The following EDC4 variants were observed in gnomAD, a reference collection of about 807,000 sequenced individuals.
EDC4 encodes the protein enhancer of mRNA-decapping protein 4.
EDC4 carries 64 observed loss-of-function variants against 155.8 expected under a neutral mutation model. The ratio of observed to expected loss-of-function variants is 0.41; its 90% confidence interval spans 0.34 to 0.51. The LOEUF (loss-of-function observed/expected upper bound fraction) is 0.51, where lower values mean the gene tolerates loss of function less well. EDC4 is among the 20% of genes least tolerant of loss of function. EDC4 has a pLI of 0.19. For missense variants in EDC4, 1,303 were observed against 1,812.5 expected (o/e 0.72, Z 5.10); for synonymous variants, 684 against 716.8 (o/e 0.95, Z 0.73).
In EDC4 at chr16:67,883,030, GCAGGC is replaced by G; in HGVS notation, c.3704_3708del (p.Gln1235ArgfsTer24). 1 of 1,613,908 alleles carries G rather than the reference GCAGGC, an allele frequency of 6.2e-7. No homozygotes were observed. Among genetic ancestry groups the G allele is most frequent in the Non-Finnish European group, 8.5e-7 (1 of 1,180,012 alleles). Reference sequence around the variant, plus strand: ...AGGTGAGTGTGGCGCTCAAGGAGCAGCAGGCCGCCGTCACCTCCAGCATCATGCAG... The same window carrying G: ...AGGTGAGTGTGGCGCTCAAGGAGCAGCGCCGTCACCTCCAGCATCATGCAG... On this transcript the variant is annotated frameshift_variant, in exon 27 of 29. Coordinates refer to ENST00000358933, the MANE Select transcript of EDC4 (RefSeq NM_014329.5). LOFTEE classifies it high-confidence loss of function. This position sits in a 1 kb window ranked among gnomAD's most constrained non-coding sequence, Gnocchi z 5.3.
In EDC4 at chr16:67,876,964, C is replaced by G. The variant is rs2058044254; in HGVS notation, c.443C>G (p.Ala148Gly). 1.2e-6 allele frequency: 2 copies of G among 1,613,970 alleles called. No individual in the cohort carries two copies. The highest frequency in any genetic ancestry group is 1.7e-6 in the Non-Finnish European group (2 of 1,179,968). Residue 148 changes from alanine (A) to glycine (G), a missense_variant, in exon 4 of 29, where the codon GCC becomes GGC. Physicochemically the swap from Ala to Gly is moderately conservative, Grantham distance 60 (BLOSUM62 0). This residue lies in a region of EDC4 where 51 missense variants were observed against 121.1 expected (regional missense o/e 0.42). Coordinates refer to ENST00000358933, the MANE Select transcript of EDC4 (RefSeq NM_014329.5). This position sits in a 1 kb window ranked among gnomAD's most constrained non-coding sequence, Gnocchi z 5.8. ...GTGTCTAACTCCTTCTTGGCCTATG[C>G]CATTCGGGGTGAGTAAAGACAGTGA... Reference protein sequence around the residue: ...IAVSNSFLAYAIRAANNGSAM... With the variant: ...IAVSNSFLAYGIRAANNGSAM...
chr16:67,874,616 A>G (rs928839421), intron 1 of EDC4, among the ~76,000 whole-genome samples: 1 of 152,140 alleles, frequency 6.6e-6, no homozygotes, highest in Admixed American at 6.5e-5. Context: ...GGTACCCTTC[A>G]TGGAAGGGAG....
rs868533974 is a variant in EDC4, at chr16:67,877,521, G to A, written c.654G>A (p.Leu218=). 6.2e-7 allele frequency: 1 copy of A among 1,614,052 alleles called. No homozygotes were observed. Among genetic ancestry groups the A allele is most frequent in the Non-Finnish European group, 8.5e-7 (1 of 1,180,040 alleles). ...ACACCCTGCTCAGAGAAGAGATCTT[G>A]GTCCATATTCGGCAGCCAGAGGGCA... is the stretch of plus-strand genomic sequence containing the variant. The part of the protein sequence containing the change: ...LVNGKIQEEI[L]VHIRQPEGTP... The change falls in exon 6 of 29, where the codon TTG becomes TTA. Residue 218 remains leucine, a synonymous_variant. Transcript: ENST00000358933. This position sits in a 1 kb window ranked among gnomAD's most constrained non-coding sequence, Gnocchi z 4.9.
rs34607252 is a variant in EDC4, at chr16:67,884,055, G to A, written c.4113G>A (p.Gln1371=). ...VMAQVRQKLF[Q]FLQAEPHNSL... ...CCCAGGTGCGCCAAAAGCTTTTTCA[G>A]TTCCTGCAGGCTGAGCCACACAACT... is the stretch of plus-strand genomic sequence containing the variant. The change falls in exon 29 of 29, where the codon CAG becomes CAA. Residue 1371 remains glutamine, a synonymous_variant. Coordinates refer to ENST00000358933, the MANE Select transcript of EDC4 (RefSeq NM_014329.5). This position sits in a 1 kb window ranked among gnomAD's most constrained non-coding sequence, Gnocchi z 4.1. The A allele has an allele frequency of 0.037, 59,899 of 1,614,112 alleles. 1,237 individuals are homozygous for A. The highest frequency in any genetic ancestry group is 0.042 in the Non-Finnish European group (49,370 of 1,180,002).
In EDC4 at chr16:67,882,712, G is replaced by C; in HGVS notation, c.3476G>C (p.Arg1159Pro). 6.2e-7 allele frequency: 1 copy of C among 1,614,244 alleles called. No homozygotes were observed. The highest frequency in any genetic ancestry group is 8.5e-7 in the Non-Finnish European group (1 of 1,180,040). Residue 1159 changes from arginine (R) to proline (P), a missense_variant, in exon 26 of 29, where the codon CGG becomes CCG. Physicochemically the swap from Arg to Pro is moderately radical, Grantham distance 103. Around this residue, in one of 5 missense-constraint regions of EDC4, gnomAD observed 527 missense variants for 757.0 expected, o/e 0.70. Coordinates refer to ENST00000358933, the MANE Select transcript of EDC4 (RefSeq NM_014329.5). The surrounding 1 kb of genome is among the most constrained non-coding windows in gnomAD (Gnocchi z 7.2). Reference sequence around the variant, plus strand: ...CAGCTAGAAAGCCACATGAAGAGCCGGAAGGCACGGGAACAGGAGGCCAGG... The same window carrying C: ...CAGCTAGAAAGCCACATGAAGAGCCCGAAGGCACGGGAACAGGAGGCCAGG... ...LQQLESHMKS[R>P]KAREQEAREP...
chr16:67,874,289 G>A lies in EDC4; in HGVS notation c.82+946G>A, dbSNP rs181049853. On this transcript the variant is annotated intron_variant, in intron 1 of 28. Coordinates refer to ENST00000358933, the MANE Select transcript of EDC4 (RefSeq NM_014329.5). Reference sequence around the variant, plus strand: ...AGTGGCCGGTGATGATGGTGTGGGCGTACAGTGGAGAATTGTGTTTCCTCA... The same window carrying A: ...AGTGGCCGGTGATGATGGTGTGGGCATACAGTGGAGAATTGTGTTTCCTCA... Among the ~76,000 whole-genome samples the A allele has an allele frequency of 1.2e-4, 18 of 152,304 alleles. No individual in the cohort carries two copies. The East Asian group carries it at 2.9e-3, about 24-fold the overall frequency.
chr16:67,884,166 C>A lies in EDC4; in HGVS notation c.*18C>A. On this transcript the variant is annotated 3_prime_UTR_variant, in exon 29 of 29. Coordinates refer to ENST00000358933, the MANE Select transcript of EDC4 (RefSeq NM_014329.5). This position sits in a 1 kb window ranked among gnomAD's most constrained non-coding sequence, Gnocchi z 4.1. ...TCCCTTAGCTGCTAAGCCTGCCTTG[C>A]CCAGGGGTGGGATGGCACTGAAGGC... 6.3e-7 allele frequency: 1 copy of A among 1,590,186 alleles called. No individual in the cohort carries two copies. Among genetic ancestry groups the A allele is most frequent in the South Asian group, 1.1e-5 (1 of 88,024 alleles).
Position 67,881,934 on chromosome 16 carries a change from G to C in EDC4, c.3005-20G>C. 6.2e-7 allele frequency: 1 copy of C among 1,604,166 alleles called. No homozygotes were observed. The highest frequency in any genetic ancestry group is 8.5e-7 in the Non-Finnish European group (1 of 1,173,496). ...GGAGTACACGACCTGCTCCAGGCCCGTTCCTTAGCTATGGCGCAGAGCGGC... is the reference window on the plus strand; with the variant it reads ...GGAGTACACGACCTGCTCCAGGCCCCTTCCTTAGCTATGGCGCAGAGCGGC... On this transcript the variant is annotated intron_variant, in intron 22 of 28. Coordinates refer to ENST00000358933, the MANE Select transcript of EDC4 (RefSeq NM_014329.5). The surrounding 1 kb of genome is among the most constrained non-coding windows in gnomAD (Gnocchi z 5.4).
chr16:67,875,417 C>T (rs1043828345), intron 1 of EDC4, among the ~76,000 whole-genome samples: 4 of 152,210 alleles, frequency 2.6e-5, no homozygotes, highest in African/African-American at 9.7e-5. Flanking sequence ...CCCAGATTCT[C>T]AACCATTCTG....
chr16:67,883,913 G>T lies in EDC4; in HGVS notation c.4014-43G>T. 1 of 1,553,898 alleles carries T rather than the reference G, an allele frequency of 6.4e-7. No individual in the cohort carries two copies. The highest frequency in any genetic ancestry group is 8.7e-7 in the Non-Finnish European group (1 of 1,148,336). ...GTGCCACCAGGGGGCGCTCCCGTCT[G>T]CTGGCACCCACCTGTAGCCTGTCCT... On this transcript the variant is annotated intron_variant, in intron 28 of 28. Coordinates refer to ENST00000358933, the MANE Select transcript of EDC4 (RefSeq NM_014329.5). This position sits in a 1 kb window ranked among gnomAD's most constrained non-coding sequence, Gnocchi z 5.3.
rs201610985 is a variant in EDC4 at position 67,880,601 on chromosome 16, G to A, written c.2142G>A (p.Val714=). The part of the protein sequence containing the change: ...TSALSLELQE[V]EPLGLPQASP... ...CACTGTCCCTGGAGCTGCAGGAAGT[G>A]GAGCCCCTGGGGCTACCCCAAGCCT... Residue 714 remains valine (V), a synonymous_variant, in exon 18 of 29, where the codon GTG becomes GTA. Transcript: ENST00000358933. The surrounding 1 kb of genome is among the most constrained non-coding windows in gnomAD (Gnocchi z 5.2). 1 of 1,614,112 alleles carries A rather than the reference G, an allele frequency of 6.2e-7. No homozygotes were observed. Among genetic ancestry groups the A allele is most frequent in the African/African-American group, 1.3e-5 (1 of 75,060 alleles).
At position 67,881,640 on chromosome 16, in the gene EDC4, A is replaced by G. The variant is rs555650955; in HGVS notation, c.2827-28A>G. On this transcript the variant is annotated intron_variant, in intron 21 of 28. Transcript: ENST00000358933. The surrounding 1 kb of genome is among the most constrained non-coding windows in gnomAD (Gnocchi z 5.4). ...GTGTGTGGGAATAGGTGGGGCAGGCATCGTGTGACTGTCAGTGCTACTGAC... is the reference window on the plus strand; with the variant it reads ...GTGTGTGGGAATAGGTGGGGCAGGCGTCGTGTGACTGTCAGTGCTACTGAC... The G allele has an allele frequency of 3.7e-6, 6 of 1,610,664 alleles. No homozygotes were observed. The African/African-American group carries it at 6.7e-5, about 18-fold the overall frequency.
intron 1 of EDC4, chr16:67,873,604 C>G (rs1183494577): frequency 2.5e-6 from 1 of 393,790 alleles, no homozygotes; most frequent in Non-Finnish European, 4.5e-6. Context: ...CCGCTGGGGC[C>G]CTCTGGTTTC....
Position 67,880,592 on chromosome 16 carries a change from G to A in EDC4, c.2133G>A (p.Leu711=), listed in dbSNP as rs546876825. The A allele has an allele frequency of 2.8e-4, 451 of 1,613,950 alleles. No individual in the cohort carries two copies. Among genetic ancestry groups the A allele is most frequent in the Non-Finnish European group, 3.7e-4 (431 of 1,180,012 alleles). ...CCACCTCTGCACTGTCCCTGGAGCT[G>A]CAGGAAGTGGAGCCCCTGGGGCTAC... The part of the protein sequence containing the change: ...PTATSALSLE[L]QEVEPLGLPQ... The change falls in exon 18 of 29, where the codon CTG becomes CTA. Residue 711 remains leucine, a synonymous_variant. Transcript: ENST00000358933. This position sits in a 1 kb window ranked among gnomAD's most constrained non-coding sequence, Gnocchi z 5.2.
At chr16:67,873,546 G>GC in intron 1 of EDC4, 1 of 437,032 alleles carries the variant, frequency 2.3e-6, no homozygotes, top group Non-Finnish European at 4.0e-6. Context: ...AGGCTGTTCT[G>GC]CCTTGTCCTT....
Position 67,880,155 on chromosome 16 carries a change from GCCT to G in EDC4, c.2040_2042del (p.Leu681del). On this transcript the variant is annotated inframe_deletion, in exon 17 of 29. Transcript: ENST00000358933. This position sits in a 1 kb window ranked among gnomAD's most constrained non-coding sequence, Gnocchi z 5.2. ...GGCAGCCTTCAGGCAAGCCCGCGTGGCCTCCTGCCTGGCCTGCTCCCAGCCCCA... is the reference window on the plus strand; with the variant it reads ...GGCAGCCTTCAGGCAAGCCCGCGTGGCCTGCCTGGCCTGCTCCCAGCCCCA... 1.4e-5 allele frequency: 23 copies of G among 1,612,780 alleles called. No individual in the cohort carries two copies. Among genetic ancestry groups the G allele is most frequent in the Non-Finnish European group, 1.9e-5 (22 of 1,179,846 alleles).
rs773136979 is a variant in EDC4 at position 67,877,768 on chromosome 16, C to T, written c.817C>T (p.Arg273Cys). ...TGAGGTGTGGGACCTGGACATGCTC[C>T]GCTCCAGCCACAGTACCTGGCCTGT... is the stretch of plus-strand genomic sequence containing the variant. ...RAEVWDLDML[R>C]SSHSTWPVDV... The change falls in exon 7 of 29, where the codon CGC (arginine) becomes TGC (cysteine). Residue 273 changes from arginine to cysteine, a missense_variant. Transcript: ENST00000358933. The surrounding 1 kb of genome is among the most constrained non-coding windows in gnomAD (Gnocchi z 4.9). 61 of 1,614,022 alleles carry T rather than the reference C, an allele frequency of 3.8e-5. No homozygotes were observed. The highest frequency in any genetic ancestry group is 4.7e-5 in the Non-Finnish European group (56 of 1,180,042).
In EDC4 at chr16:67,883,491, C is replaced by T; in HGVS notation, c.3850-77C>T. 6.4e-7 allele frequency: 1 copy of T among 1,572,870 alleles called. No homozygotes were observed. The highest frequency in any genetic ancestry group is 1.1e-5 in the South Asian group (1 of 87,138). Reference sequence around the variant, plus strand: ...TAGCCCACCCTGTGGTCATCCTCCCCCAGGCCACACAGTTCAGACAAGCAG... The same window carrying T: ...TAGCCCACCCTGTGGTCATCCTCCCTCAGGCCACACAGTTCAGACAAGCAG... On this transcript the variant is annotated intron_variant, in intron 27 of 28. Transcript: ENST00000358933. The surrounding 1 kb of genome is among the most constrained non-coding windows in gnomAD (Gnocchi z 5.3).
intron 1 of EDC4, chr16:67,875,741 G>A (rs2058038772): frequency 1.5e-6 from 2 of 1,377,904 alleles, no homozygotes; most frequent in Non-Finnish European, 1.9e-6. Flanking sequence ...CCCCCAGGTA[G>A]AAGAGCCTCA....
Sources: allele counts gnomAD v4.1 joint callset (sites outside exome capture counted in the v4.1 genomes callset), GRCh38; gene constraint gnomAD v4.1.1; regional missense constraint gnomAD v4.1.1; non-coding constraint Gnocchi (gnomAD v3.1); transcripts MANE v1.5; gene names NCBI Gene and HGNC (gene_info 2026-07-23, HGNC 2026-07-21).